Variants in CRTAC1 observed in about 807,000 individuals in gnomAD.
The protein encoded by CRTAC1 is acidic secreted protein in cartilage.
CRTAC1 carries 37 observed loss-of-function variants against 67.8 expected under a neutral mutation model. The observed-to-expected ratio is 0.55, with a 90% CI of 0.42 to 0.72. The LOEUF (loss-of-function observed/expected upper bound fraction) is 0.72, where lower values mean the gene tolerates loss of function less well. Ranked by LOEUF, CRTAC1 falls within the 30% of genes least tolerant of loss-of-function variation. The pLI, the probability that CRTAC1 is intolerant of heterozygous loss-of-function variation, is 0.00. For missense variants in CRTAC1, 780 were observed against 931.6 expected (o/e 0.84, Z 2.12); for synonymous variants, 348 against 371.0 (o/e 0.94, Z 0.71).
intron 5 of CRTAC1, 49 bp downstream of exon 5, chr10:97,917,451 C>T: frequency 7.1e-7 from 1 of 1,401,940 alleles, no homozygotes; most frequent in Non-Finnish European, 9.4e-7. Context: ...GGCCCTGGCC[C>T]CCAGCCCCAG....
At chr10:97,901,896 C>T (rs1465881836) in intron 7 of CRTAC1, among the ~76,000 whole-genome samples, 1 of 152,220 alleles carries the variant, frequency 6.6e-6, no homozygotes, top group African/African-American at 2.4e-5. Flanking sequence ...TAGTCTGGAT[C>T]ACACCTGTCC....
At chr10:97,931,976 G>A (rs962207268) in intron 3 of CRTAC1, among the ~76,000 whole-genome samples, 4 of 152,198 alleles carry the variant, frequency 2.6e-5, no homozygotes, top group East Asian at 1.9e-4. Context: ...TGCCTGAGAT[G>A]CTACTCAGTG....
intron 8 of CRTAC1, 93 bp from the exon 9 acceptor site, chr10:97,897,084 C>G: frequency 1.1e-6 from 1 of 920,234 alleles, no homozygotes; most frequent in Non-Finnish European, 1.6e-6. Context: ...TGAGCATCCC[C>G]GGGTCCCAAT....
intron 3 of CRTAC1, among the ~76,000 whole-genome samples, chr10:97,927,440 T>C (rs2050937623): frequency 6.6e-6 from 1 of 152,206 alleles, no homozygotes; most frequent in Non-Finnish European, 1.5e-5. Context: ...TCCTTGGCCA[T>C]GGAACTCCTT....
chr10:97,904,929 C>A, intron 6 of CRTAC1, 115 bp from the exon 7 acceptor site: 2 of 1,256,672 alleles, frequency 1.6e-6, no homozygotes, highest in East Asian at 2.8e-5. Flanking sequence ...ATCTTGTTCC[C>A]GGGAGGAGAT....
At chr10:97,984,932 G>GA (rs749289304) in intron 2 of CRTAC1, among the ~76,000 whole-genome samples, 2 of 152,238 alleles carry the variant, frequency 1.3e-5, no homozygotes, top group African/African-American at 4.8e-5. Flanking sequence ...GTGCTGCAGT[G>GA]AAAATAACTA....
intron 2 of CRTAC1, among the ~76,000 whole-genome samples, chr10:97,991,420 T>TAATAAGTAAATAAATA (rs1842453073): frequency 6.8e-6 from 1 of 147,120 alleles, no homozygotes; most frequent in South Asian, 2.2e-4. Context: ...CTTTTAAAAA[T>TAATAAGTAAATAAATA]AATAAATAAA....
chr10:97,992,187 G>A (rs964088633), intron 2 of CRTAC1, among the ~76,000 whole-genome samples: 2 of 152,078 alleles, frequency 1.3e-5, no homozygotes, highest in African/African-American at 4.8e-5. Context: ...CCCAGAATAG[G>A]GAAGCAACTT....
intron 2 of CRTAC1, among the ~76,000 whole-genome samples, chr10:97,998,439 A>G (rs1432887244): frequency 6.6e-6 from 1 of 152,210 alleles, no homozygotes; most frequent in African/African-American, 2.4e-5. Flanking sequence ...CAAGAGATAG[A>G]TCACCTACAA....
chr10:97,937,484 G>A (rs1439301235), intron 2 of CRTAC1, among the ~76,000 whole-genome samples: 1 of 152,152 alleles, frequency 6.6e-6, no homozygotes, highest in African/African-American at 2.4e-5. Flanking sequence ...TTCTCTGTCT[G>A]GTCCCACTAG....
chr10:97,893,847 T>C (rs2050412919), intron 11 of CRTAC1, among the ~76,000 whole-genome samples: 1 of 152,212 alleles, frequency 6.6e-6, no homozygotes, highest in African/African-American at 2.4e-5. Flanking sequence ...AAATCTACCA[T>C]ACGTGACTTT....
At chr10:97,906,296 G>A (rs763521222) in intron 6 of CRTAC1, among the ~76,000 whole-genome samples, 3 of 152,142 alleles carry the variant, frequency 2.0e-5, no homozygotes, top group East Asian at 1.9e-4. Flanking sequence ...CCCAAATGTC[G>A]GTGGCCTTCT....
chr10:97,892,686 C>T (rs942192341), intron 11 of CRTAC1, among the ~76,000 whole-genome samples: 6 of 152,214 alleles, frequency 3.9e-5, no homozygotes, highest in African/African-American at 1.4e-4. Flanking sequence ...CAGTGCCTGG[C>T]ACATACTAAT....
chr10:97,909,841 C>G (rs531530981), intron 5 of CRTAC1, among the ~76,000 whole-genome samples: 3 of 152,122 alleles, frequency 2.0e-5, no homozygotes, highest in African/African-American at 7.2e-5. Context: ...ATAAAGAAAA[C>G]GTGATATATA....
At chr10:98,028,994 T>C (rs1246144596) in intron 1 of CRTAC1, among the ~76,000 whole-genome samples, 1 of 152,198 alleles carries the variant, frequency 6.6e-6, no homozygotes, top group Admixed American at 6.5e-5. Context: ...TGTGGTCCTC[T>C]GTGCCATCAT....
rs1554938506 is a variant in CRTAC1 at position 98,029,527 on chromosome 10, G to GGCGGCGGCGGCGGCA, written c.24+921_24+922insTGCCGCCGCCGCCGC. The stretch of plus-strand genomic sequence containing the variant: ...CGGCGGCGGCGGCGGCGGCGGCGGC[G>GGCGGCGGCGGCGGCA]GCAGCAGCAGCAATATTCATTAGTC... On this transcript the variant is annotated intron_variant, in intron 1 of 14. Coordinates refer to ENST00000370597, the MANE Select transcript of CRTAC1 (RefSeq NM_018058.7). The surrounding 1 kb of genome is among the most constrained non-coding windows in gnomAD (Gnocchi z 4.7). Among the ~76,000 whole-genome samples, 2 of 131,110 alleles carry GGCGGCGGCGGCGGCA rather than the reference G, an allele frequency of 1.5e-5. No individual in the cohort carries two copies. Among genetic ancestry groups the GGCGGCGGCGGCGGCA allele is most frequent in the South Asian group, 2.1e-4 (1 of 4,694 alleles). The allele number at this position is 131,110 out of a possible 152,430, so 86.0% of individuals were successfully genotyped here.
chr10:97,867,160 T>C (rs1209241653), intron 14 of CRTAC1: 1 of 152,126 alleles, frequency 6.6e-6, no homozygotes, highest in African/African-American at 2.4e-5. Flanking sequence ...CTGGGGCTCT[T>C]TAAGGCTTTG....
At chr10:98,015,529 T>TA (rs1842980887) in intron 1 of CRTAC1, among the ~76,000 whole-genome samples, 1 of 152,156 alleles carries the variant, frequency 6.6e-6, no homozygotes, top group Non-Finnish European at 1.5e-5. Flanking sequence ...TTCATCACAA[T>TA]AAAAAAATAC....
chr10:97,900,415 C>T (rs919315531), intron 8 of CRTAC1, among the ~76,000 whole-genome samples: 1 of 152,234 alleles, frequency 6.6e-6, no homozygotes, highest in Non-Finnish European at 1.5e-5. Context: ...AGAAGTCCTG[C>T]AGTAAATAAA....
Sources: gnomAD v4.1 joint callset for allele counts (sites outside exome capture counted in the v4.1 genomes callset) on GRCh38, gnomAD v4.1.1 for gene constraint, Gnocchi (gnomAD v3.1) non-coding constraint, MANE v1.5 for transcripts, NCBI Gene and HGNC (gene_info 2026-07-23, HGNC 2026-07-21) for gene names.